The following EYS variants were observed in gnomAD, a reference collection of about 807,000 sequenced individuals.
EYS encodes the protein protein eyes shut homolog.
Under a neutral mutation model 282.1 loss-of-function variants are expected in EYS, and 250 were observed. The ratio of observed to expected loss-of-function variants is 0.89; its 90% CI spans 0.80 to 0.98. EYS has a LOEUF of 0.98. Among genes scored for constraint, EYS ranks in the 50% least tolerant of loss-of-function variants. The pLI is 0.00. For synonymous variants in EYS, 1,355 were observed against 1,282.9 expected, an observed-to-expected ratio of 1.06 and a Z score of -1.20; for missense variants, 4,016 against 3,709.0, an observed-to-expected ratio of 1.08 and a Z score of -2.15.
chr6:65,220,367 C>G (rs1489296648), intron 12 of EYS, among the ~76,000 whole-genome samples: 2 of 151,962 alleles, frequency 1.3e-5, no homozygotes, highest in Non-Finnish European at 2.9e-5. Flanking sequence ...TGGCTTGAAC[C>G]CAGTGGGTGG....
chr6:64,548,871 G>A (rs1764972151), intron 26 of EYS, among the ~76,000 whole-genome samples: 2 of 152,046 alleles, frequency 1.3e-5, no homozygotes, highest in Non-Finnish European at 2.9e-5. Flanking sequence ...AGTAAGAGGA[G>A]AAACATCTGA....
chr6:65,600,256 C>T (rs761668173), intron 2 of EYS, among the ~76,000 whole-genome samples: 11 of 152,042 alleles, frequency 7.2e-5, no homozygotes, highest in African/African-American at 1.2e-4. Flanking sequence ...AAGGCTACAA[C>T]ATAGGGCCTT....
chr6:64,099,025 T>C (rs1418581142), intron 31 of EYS, among the ~76,000 whole-genome samples: 1 of 152,164 alleles, frequency 6.6e-6, no homozygotes, highest in Non-Finnish European at 1.5e-5. Flanking sequence ...ACCCAGAAAA[T>C]TAGAGAACAC....
chr6:64,420,157 A>G (rs1332201149), intron 28 of EYS, among the ~76,000 whole-genome samples: 1 of 152,170 alleles, frequency 6.6e-6, no homozygotes, highest in Non-Finnish European at 1.5e-5. Context: ...CACAGGCTCA[A>G]CACCATGTGG....
chr6:65,208,679 C>T (rs1766097079), intron 12 of EYS, among the ~76,000 whole-genome samples: 1 of 151,760 alleles, frequency 6.6e-6, no homozygotes, highest in Non-Finnish European at 1.5e-5. Context: ...GGCCATTATC[C>T]TAAATGAATA....
intron 26 of EYS, among the ~76,000 whole-genome samples, chr6:64,530,858 C>T (rs561574134): frequency 6.6e-6 from 1 of 152,002 alleles, no homozygotes; most frequent in Non-Finnish European, 1.5e-5. Context: ...AAAAGCTAAA[C>T]GTGAGTACAT....
At chr6:65,431,176 G>A (rs1049617002) in intron 5 of EYS, among the ~76,000 whole-genome samples, 7 of 152,168 alleles carry the variant, frequency 4.6e-5, no homozygotes, top group African/African-American at 1.2e-4. Context: ...TTCAGAATCC[G>A]TTGTGAACTC....
intron 12 of EYS, among the ~76,000 whole-genome samples, chr6:65,293,498 T>C (rs1199704924): frequency 6.6e-6 from 1 of 151,792 alleles, no homozygotes; most frequent in African/African-American, 2.4e-5. Context: ...CTCCAGAGAT[T>C]AGTGGTTTTC....
At chr6:64,770,213 C>T (rs1357987318) in intron 22 of EYS, among the ~76,000 whole-genome samples, 3 of 151,732 alleles carry the variant, frequency 2.0e-5, no homozygotes, top group Admixed American at 6.6e-5. Context: ...CTTTTGACTA[C>T]CTCTTAAAAG....
intron 30 of EYS, among the ~76,000 whole-genome samples, chr6:64,263,685 T>C (rs2150354186): frequency 6.6e-6 from 1 of 152,254 alleles, no homozygotes; most frequent in East Asian, 1.9e-4. Context: ...CAACAGGATA[T>C]GGCGATTTCT....
intron 31 of EYS, among the ~76,000 whole-genome samples, chr6:64,217,758 C>T (rs1297007446): frequency 6.6e-6 from 1 of 152,054 alleles, no homozygotes; most frequent in Non-Finnish European, 1.5e-5. Flanking sequence ...CTAGGTGGTA[C>T]ATGTTCATTG....
chr6:63,735,299 G>A (rs1446100193), intron 41 of EYS, among the ~76,000 whole-genome samples: 1 of 152,080 alleles, frequency 6.6e-6, no homozygotes, highest in Non-Finnish European at 1.5e-5. Context: ...TATAAGAGGT[G>A]TGTAATAATG....
chr6:64,949,571 A>C (rs1769411413), intron 14 of EYS, among the ~76,000 whole-genome samples: 1 of 151,868 alleles, frequency 6.6e-6, no homozygotes, highest in Non-Finnish European at 1.5e-5. Flanking sequence ...CATGTAGGAC[A>C]ACCACATGTT....
At chr6:64,722,953 C>T (rs1359527081) in intron 22 of EYS, among the ~76,000 whole-genome samples, 4 of 152,098 alleles carry the variant, frequency 2.6e-5, no homozygotes, top group Non-Finnish European at 5.9e-5. Flanking sequence ...CTTAAAAATA[C>T]ACTTGTCCTT....
chr6:63,720,287 A>T lies in EYS; in HGVS notation c.*309T>A. 1 of 368,694 alleles carries T rather than the reference A, an allele frequency of 2.7e-6. No homozygotes were observed. The highest frequency in any genetic ancestry group is 4.8e-6 in the Non-Finnish European group (1 of 206,238). 22.8% of individuals were successfully genotyped at this position (368,694 alleles called of 1,614,324 possible). On this transcript the variant is annotated 3_prime_UTR_variant, in exon 43 of 43. Transcript: ENST00000503581. ...TTTTTAAAATTGTGTTTACACGTTG[A>T]TTTTAAAATGTAAGCATTAGGGATA... is the stretch of plus-strand genomic sequence containing the variant.
intron 1 of EYS, among the ~76,000 whole-genome samples, chr6:65,645,911 A>G (rs995997960): frequency 1.9e-4 from 29 of 152,124 alleles, no homozygotes; most frequent in Non-Finnish European, 3.7e-4. Context: ...TTATGCACAT[A>G]AACTAGAAAA....
At chr6:64,423,958 G>T (rs1561987118) in intron 28 of EYS, among the ~76,000 whole-genome samples, 1 of 151,960 alleles carries the variant, frequency 6.6e-6, no homozygotes. Context: ...AACATTTCTT[G>T]GAAGAAAATG....
chr6:64,844,358 G>GTTTT (rs200024782), intron 19 of EYS, among the ~76,000 whole-genome samples: 5 of 140,758 alleles, frequency 3.6e-5, no homozygotes, highest in African/African-American at 1.0e-4. Context: ...ATGCTGTTGG[G>GTTTT]TTTTTTTTTT....
At chr6:63,854,228 G>C in intron 36 of EYS, among the ~76,000 whole-genome samples, 1 of 152,252 alleles carries the variant, frequency 6.6e-6, no homozygotes. Flanking sequence ...TGTTAGACTG[G>C]ATAAAGAAAA....
Sources: allele counts gnomAD v4.1 joint callset (sites outside exome capture counted in the v4.1 genomes callset), GRCh38; gene constraint gnomAD v4.1.1; transcripts MANE v1.5; gene names NCBI Gene and HGNC (gene_info 2026-07-23, HGNC 2026-07-21).